TM9SF4: variants seen among roughly 807,000 people sequenced by gnomAD.
TM9SF4 encodes the protein dinucleotide oxidase disulfide thiol exchanger 3 superfamily member 4.
TM9SF4 carries 26 observed loss-of-function variants against 90.4 expected under a neutral mutation model. The ratio of observed to expected loss-of-function variants is 0.29; its 90% CI spans 0.21 to 0.40. The LOEUF is 0.40. TM9SF4 is among the 10% of genes least tolerant of loss of function. TM9SF4 has a pLI of 1.00. For synonymous variants in TM9SF4, 293 were observed against 315.4 expected, an observed-to-expected ratio of 0.93 and a Z score of 0.75; for missense variants, 549 against 834.8, an observed-to-expected ratio of 0.66 and a Z score of 4.22.
Position 32,165,387 on chromosome 20 carries a change from C to T in TM9SF4, c.1872C>T (p.Gly624=), listed in dbSNP as rs2047085236. 1 of 1,614,104 alleles carries T rather than the reference C, an allele frequency of 6.2e-7. No homozygotes were observed. Among genetic ancestry groups the T allele is most frequent in the Non-Finnish European group, 8.5e-7 (1 of 1,180,046 alleles). Residue 624 remains glycine, a synonymous_variant, in exon 18 of 18, where the codon GGC becomes GGT. Coordinates refer to ENST00000398022, the MANE Select transcript of TM9SF4 (RefSeq NM_014742.4). ...TCTGGCTGCTAACGGGTACCATCGG[C>T]TTCTATGCAGCCTACATGTTTGTTC... The part of the protein sequence containing the change: ...LSFWLLTGTI[G]FYAAYMFVRK...
chr20:32,135,970 T>C (rs2046588964), intron 2 of TM9SF4, 104 bp from the exon 3 acceptor site: 1 of 903,396 alleles, frequency 1.1e-6, no homozygotes, highest in African/African-American at 1.6e-5. Context: ...CTGTCATTTC[T>C]GCTAATTCGT....
At position 32,141,680 on chromosome 20, in the gene TM9SF4, GCTC is replaced by G; in HGVS notation, c.398+18_398+20del. ...TACGTCCACCTGTAAGTCGCCCTGT[GCTC>G]CTTGCTGCCTCAGGCTCACACAGGG... On this transcript the variant is annotated intron_variant, in intron 4 of 17. Coordinates refer to ENST00000398022, the MANE Select transcript of TM9SF4 (RefSeq NM_014742.4). 1 of 1,613,796 alleles carries G rather than the reference GCTC, an allele frequency of 6.2e-7. No individual in the cohort carries two copies. Among genetic ancestry groups the G allele is most frequent in the Non-Finnish European group, 8.5e-7 (1 of 1,179,780 alleles).
At chr20:32,122,203 G>T (rs1362453871) in intron 1 of TM9SF4, among the ~76,000 whole-genome samples, 6 of 141,710 alleles carry the variant, frequency 4.2e-5, no homozygotes, top group Non-Finnish European at 9.3e-5. Flanking sequence ...GCCGGGCCGG[G>T]GGCTGATGCC....
In TM9SF4 at chr20:32,145,307, G is replaced by A. The variant is rs746491372; in HGVS notation, c.772-5G>A. 1 of 1,614,132 alleles carries A rather than the reference G, an allele frequency of 6.2e-7. No homozygotes were observed. Among genetic ancestry groups the A allele is most frequent in the South Asian group, 1.1e-5 (1 of 91,088 alleles). Reference sequence around the variant, plus strand: ...TGACTCTAAGTGCTTCCTCCCACCTGCCAGGAAAGTGATATCAAATGGGCC... The same window carrying A: ...TGACTCTAAGTGCTTCCTCCCACCTACCAGGAAAGTGATATCAAATGGGCC... On this transcript the variant is annotated splice_region_variant and splice_polypyrimidine_tract_variant and intron_variant, in intron 7 of 17. Transcript: ENST00000398022.
chr20:32,121,744 G>A (rs1214977858), intron 1 of TM9SF4, among the ~76,000 whole-genome samples: 2 of 151,690 alleles, frequency 1.3e-5, no homozygotes, highest in Admixed American at 6.6e-5. Context: ...GGTGGTGGCC[G>A]GGCAGAGGGG....
intron 12 of TM9SF4, among the ~76,000 whole-genome samples, chr20:32,152,352 C>G (rs2046855259): frequency 6.6e-6 from 1 of 151,088 alleles, no homozygotes; most frequent in Non-Finnish European, 1.5e-5. Context: ...CTTTTTCCCC[C>G]AAACCACCCC....
chr20:32,118,633 T>G (rs58480221), intron 1 of TM9SF4, among the ~76,000 whole-genome samples: 15 of 97,334 alleles, frequency 1.5e-4, no homozygotes, highest in East Asian at 1.2e-3. Context: ...ATTTATTTAT[T>G]TATTTATTTA....
At chr20:32,133,187 G>C in intron 2 of TM9SF4, 61 bp downstream of exon 2, 1 of 1,512,354 alleles carries the variant, frequency 6.6e-7, no homozygotes, top group Non-Finnish European at 9.1e-7. Context: ...GAGCACCATG[G>C]TGAGCTGTTC....
chr20:32,154,547 G>A (rs1039508610), intron 12 of TM9SF4, among the ~76,000 whole-genome samples: 3 of 152,112 alleles, frequency 2.0e-5, no homozygotes, highest in East Asian at 1.9e-4. Flanking sequence ...TTTGCCTCCC[G>A]GGTTCAAGCA....
At chr20:32,128,466 A>G (rs2046455071) in intron 1 of TM9SF4, among the ~76,000 whole-genome samples, 1 of 152,190 alleles carries the variant, frequency 6.6e-6, no homozygotes, top group African/African-American at 2.4e-5. Flanking sequence ...TTTAGGAGGT[A>G]CCAAGTGCAG....
intron 1 of TM9SF4, among the ~76,000 whole-genome samples, chr20:32,125,618 C>G (rs1019151123): frequency 6.6e-6 from 1 of 151,618 alleles, no homozygotes; most frequent in African/African-American, 2.4e-5. Context: ...TGCTCCGCTT[C>G]GGTACCTGGC....
intron 2 of TM9SF4, 147 bp from the exon 3 acceptor site, chr20:32,135,927 A>G (rs1178068301): frequency 1.6e-6 from 1 of 612,130 alleles, no homozygotes; most frequent in Non-Finnish European, 2.9e-6. Flanking sequence ...GAAATAATTC[A>G]GAATTGTGGG....
chr20:32,120,402 T>G (rs1056177042), intron 1 of TM9SF4, among the ~76,000 whole-genome samples: 10 of 151,374 alleles, frequency 6.6e-5, no homozygotes, highest in Non-Finnish European at 1.0e-4. Flanking sequence ...TGCGTTTTTT[T>G]TTTTTTTTTT....
In TM9SF4 at chr20:32,166,982, C is replaced by T. The variant is rs1163874708; in HGVS notation, c.*1538C>T. 1 of 152,042 alleles carries T rather than the reference C, an allele frequency of 6.6e-6. No individual in the cohort carries two copies. Among genetic ancestry groups the T allele is most frequent in the Non-Finnish European group, 1.5e-5 (1 of 68,042 alleles). The allele number at this position is 152,042 out of a possible 1,614,324, so 9.4% of individuals were successfully genotyped here. A position where few individuals can be genotyped will look rare whatever the true frequency, so the allele number is the denominator to read the frequency against. Reference sequence around the variant, plus strand: ...CAATCTTGCCTCACAGTGACTGCAGCGCCAAGCGGCATCCACCAAGCATCA... The same window carrying T: ...CAATCTTGCCTCACAGTGACTGCAGTGCCAAGCGGCATCCACCAAGCATCA... On this transcript the variant is annotated 3_prime_UTR_variant, in exon 18 of 18. Transcript: ENST00000398022.
rs886797651 is a variant in TM9SF4 at position 32,141,363 on chromosome 20, G to A, written c.230-134G>A. On this transcript the variant is annotated intron_variant, in intron 3 of 17. Transcript: ENST00000398022. Reference sequence around the variant, plus strand: ...GGCGTGAAGCAATGGGAAGGGCATTGGCTGCCAGGCTGAGGCACTGCTGAA... The same window carrying A: ...GGCGTGAAGCAATGGGAAGGGCATTAGCTGCCAGGCTGAGGCACTGCTGAA... 4.8e-6 allele frequency: 5 copies of A among 1,043,916 alleles called. No homozygotes were observed. The African/African-American group carries it at 8.0e-5, about 17-fold the overall frequency. The allele number at this position is 1,043,916 out of a possible 1,614,324, so 64.7% of individuals were successfully genotyped here. A position where few individuals can be genotyped will look rare whatever the true frequency, so the allele number is the denominator to read the frequency against.
At chr20:32,147,830 G>A (rs2046784720) in intron 9 of TM9SF4, among the ~76,000 whole-genome samples, 1 of 150,036 alleles carries the variant, frequency 6.7e-6, no homozygotes, top group African/African-American at 2.4e-5. Flanking sequence ...TCCAGCCTGG[G>A]CAACAAAGTA....
chr20:32,139,657 A>G (rs945067763), intron 3 of TM9SF4, among the ~76,000 whole-genome samples: 14 of 152,182 alleles, frequency 9.2e-5, no homozygotes, highest in African/African-American at 3.4e-4. Context: ...GTCTTTCTCT[A>G]CCCCTGTTAG....
chr20:32,149,261 CT>C (rs1220147782), intron 9 of TM9SF4, among the ~76,000 whole-genome samples: 1 of 152,014 alleles, frequency 6.6e-6, no homozygotes, highest in Non-Finnish European at 1.5e-5. Flanking sequence ...ATTATTTTTA[CT>C]TTTTTTATTA....
intron 1 of TM9SF4, among the ~76,000 whole-genome samples, chr20:32,127,046 T>G (rs1269367377): frequency 6.6e-6 from 1 of 152,198 alleles, no homozygotes; most frequent in Non-Finnish European, 1.5e-5. Flanking sequence ...TTGAACTAAT[T>G]TCTGTCCTGG....
Sources: allele counts gnomAD v4.1 joint callset (sites outside exome capture counted in the v4.1 genomes callset), GRCh38; gene constraint gnomAD v4.1.1; transcripts MANE v1.5; gene names NCBI Gene and HGNC (gene_info 2026-07-23, HGNC 2026-07-21).